The following COG5 variants were observed in gnomAD, a reference collection of about 807,000 sequenced individuals.
The protein encoded by COG5 is conserved oligomeric Golgi complex subunit 5.
COG5 carries 86 observed loss-of-function variants against 110.4 expected under a neutral mutation model. That is an observed-to-expected ratio of 0.78 (90% CI 0.65 to 0.93). The LOEUF is 0.93. Among genes scored for constraint, COG5 ranks in the 40% least tolerant of loss-of-function variants. The pLI is 0.00. For synonymous variants in COG5, 360 were observed against 334.6 expected, an observed-to-expected ratio of 1.08 and a Z score of -0.83; for missense variants, 1,077 against 987.0, an observed-to-expected ratio of 1.09 and a Z score of -1.22.
rs145948552 is a variant in COG5 at position 107,550,071 on chromosome 7, A to AC, written c.293-1740dup. Among the ~76,000 whole-genome samples the AC allele has an allele frequency of 7.0e-3, 1,060 of 151,860 alleles. 4 individuals carry two copies. Among genetic ancestry groups the AC allele is most frequent in the Non-Finnish European group, 8.9e-3 (602 of 67,912 alleles). ...AGATACCCAAGACAGTTTATGCCCT[A>AC]CCCCCCAACCTATCAAAAATCACAC... On this transcript the variant is annotated intron_variant, in intron 3 of 21. Coordinates refer to ENST00000297135, the MANE Select transcript of COG5 (RefSeq NM_006348.5).
intron 6 of COG5, among the ~76,000 whole-genome samples, chr7:107,515,692 A>G (rs1201130339): frequency 2.6e-5 from 4 of 152,224 alleles, no homozygotes; most frequent in Non-Finnish European, 4.4e-5. Context: ...GGGCTGTCAA[A>G]GAAACTCCCT....
At chr7:107,370,773 A>G (rs1814076446) in intron 8 of COG5, among the ~76,000 whole-genome samples, 1 of 139,738 alleles carries the variant, frequency 7.2e-6, no homozygotes, top group African/African-American at 2.6e-5. Flanking sequence ...GTGACCAGAA[A>G]CTCCAGCTAA....
intron 10 of COG5, among the ~76,000 whole-genome samples, chr7:107,360,620 T>C (rs1013117755): frequency 1.3e-5 from 2 of 152,184 alleles, no homozygotes; most frequent in Admixed American, 6.5e-5. Flanking sequence ...GTGGGCTACA[T>C]TCCCCTCATC....
At chr7:107,413,931 C>CA (rs1486087440) in intron 6 of COG5, among the ~76,000 whole-genome samples, 1 of 152,182 alleles carries the variant, frequency 6.6e-6, no homozygotes, top group African/African-American at 2.4e-5. Context: ...TGAACAAATT[C>CA]ACTTGGCTAG....
intron 6 of COG5, chr7:107,471,549 A>G (rs1171324928): frequency 2.6e-5 from 4 of 152,180 alleles, no homozygotes; most frequent in Middle Eastern, 3.4e-3. Context: ...TAAAAAATCA[A>G]CTGTATCCTA....
intron 6 of COG5, among the ~76,000 whole-genome samples, chr7:107,462,219 T>G (rs904892656): frequency 2.0e-5 from 3 of 152,126 alleles, no homozygotes; most frequent in African/African-American, 7.2e-5. Context: ...TAGACACCAG[T>G]AAGAATAATT....
At chr7:107,364,826 T>A (rs2129047239) in intron 8 of COG5, among the ~76,000 whole-genome samples, 1 of 152,304 alleles carries the variant, frequency 6.6e-6, no homozygotes, top group Admixed American at 6.5e-5. Context: ...AAATAATCTA[T>A]GAGAAAGATG....
intron 5 of COG5, among the ~76,000 whole-genome samples, chr7:107,537,739 A>T (rs80056684): frequency 4.7e-5 from 7 of 149,600 alleles, no homozygotes; most frequent in African/African-American, 9.8e-5. Context: ...AGTATAATTT[A>T]AAAAAAAAAG....
chr7:107,261,087 G>A (rs951815149), intron 14 of COG5, among the ~76,000 whole-genome samples: 14 of 152,044 alleles, frequency 9.2e-5, no homozygotes, highest in Non-Finnish European at 1.2e-4. Flanking sequence ...TGAGGAACCC[G>A]CGTACAGGAA....
rs547357839 is a variant in COG5 at position 107,339,252 on chromosome 7, C to G, written c.1027-14731G>C. Among the ~76,000 whole-genome samples, 5 of 152,048 alleles carry G rather than the reference C, an allele frequency of 3.3e-5. No homozygotes were observed. The South Asian group carries it at 1.0e-3, about 32-fold the overall frequency. On this transcript the variant is annotated intron_variant, in intron 10 of 21. Transcript: ENST00000297135. ...AGGTCAGATAAAACAGACTTTAATC[C>G]AACAACAGTAAAAAACGATAAAGAA...
chr7:107,366,007 C>T (rs1179972837), intron 8 of COG5, among the ~76,000 whole-genome samples: 1 of 151,982 alleles, frequency 6.6e-6, no homozygotes, highest in Non-Finnish European at 1.5e-5. Flanking sequence ...ATAGACTTAA[C>T]ATAGACACTG....
Position 107,201,494 on chromosome 7 carries a change from TAAG to T in COG5, c.*2019_*2021del, listed in dbSNP as rs1477737867. ...TACATTGACTCTTGATGGAAAGACT[TAAG>T]AAGATCAAGGTCTCACCATTTGTCC... On this transcript the variant is annotated 3_prime_UTR_variant, in exon 22 of 22. Transcript: ENST00000297135. 25 of 1,051,608 alleles carry T rather than the reference TAAG, an allele frequency of 2.4e-5. No individual in the cohort carries two copies. The highest frequency in any genetic ancestry group is 9.6e-5 in the East Asian group (4 of 41,774). 65.1% of individuals were successfully genotyped at this position (1,051,608 alleles called of 1,614,324 possible).
At chr7:107,253,749 C>G (rs984716498) in intron 16 of COG5, among the ~76,000 whole-genome samples, 1 of 152,166 alleles carries the variant, frequency 6.6e-6, no homozygotes, top group African/African-American at 2.4e-5. Context: ...TACTCTCACT[C>G]ACTCTGCTCC....
chr7:107,294,928 TATAC>T lies in COG5; in HGVS notation c.1313+3210_1313+3213del, dbSNP rs1403768666. 8.5e-5 allele frequency among the ~76,000 whole-genome samples: 9 copies of T among 106,128 alleles called. 1 individual carries two copies. The highest frequency in any genetic ancestry group is 1.7e-4 in the African/African-American group (5 of 29,256). 69.6% of individuals were successfully genotyped at this position (106,128 alleles called of 152,430 possible). A position where few individuals can be genotyped will look rare whatever the true frequency, so the allele number is the denominator to read the frequency against. ...GTGTGTGTGTGTGTGTGTGTGTATA[TATAC>T]ACACACACACACACACACATATATA... On this transcript the variant is annotated intron_variant, in intron 12 of 21. Coordinates refer to ENST00000297135, the MANE Select transcript of COG5 (RefSeq NM_006348.5).
At chr7:107,355,041 G>T (rs1260780690) in intron 10 of COG5, among the ~76,000 whole-genome samples, 2 of 152,148 alleles carry the variant, frequency 1.3e-5, no homozygotes, top group Non-Finnish European at 2.9e-5. Context: ...ATATTTTAGG[G>T]ATCTGGGCAG....
intron 7 of COG5, among the ~76,000 whole-genome samples, chr7:107,382,985 T>C (rs140340706): frequency 7.2e-5 from 11 of 152,086 alleles, no homozygotes; most frequent in Non-Finnish European, 1.5e-4. Context: ...CTGGATCAAT[T>C]TTCTATTTCT....
intron 14 of COG5, among the ~76,000 whole-genome samples, chr7:107,269,390 G>T (rs747325037): frequency 6.6e-6 from 1 of 151,600 alleles, no homozygotes. Context: ...CAGGAGAATG[G>T]CATGAACCTG....
intron 6 of COG5, among the ~76,000 whole-genome samples, chr7:107,473,499 A>G (rs900284963): frequency 1.3e-5 from 2 of 151,986 alleles, no homozygotes; most frequent in East Asian, 3.9e-4. Flanking sequence ...TCTGAATATG[A>G]ATTCAATCAA....
At chr7:107,324,142 C>T (rs1161468199) in intron 11 of COG5, among the ~76,000 whole-genome samples, 2 of 152,088 alleles carry the variant, frequency 1.3e-5, no homozygotes, top group Non-Finnish European at 2.9e-5. Flanking sequence ...GCTTTACACA[C>T]TCTACGTAGG....
Sources: gnomAD v4.1 joint callset for allele counts (sites outside exome capture counted in the v4.1 genomes callset) on GRCh38, gnomAD v4.1.1 for gene constraint, MANE v1.5 for transcripts, NCBI Gene and HGNC (gene_info 2026-07-23, HGNC 2026-07-21) for gene names.